The following FSTL5 variants were observed in gnomAD, a reference collection of about 807,000 sequenced individuals.
FSTL5 encodes the protein follistatin-related protein 5.
FSTL5 carries 62 observed loss-of-function variants against 89.1 expected under a neutral mutation model. The observed-to-expected ratio is 0.70, with a 90% CI of 0.57 to 0.86. FSTL5 has a LOEUF of 0.86. FSTL5 is among the 40% of genes least tolerant of loss of function. The pLI, the probability that FSTL5 is intolerant of heterozygous loss-of-function variation, is 0.00. For synonymous variants in FSTL5, 383 were observed against 346.2 expected (o/e 1.11, Z -1.18); for missense variants, 1,057 against 1,001.6 (o/e 1.06, Z -0.75).
chr4:161,763,998 A>G (rs1740901357), intron 5 of FSTL5, among the ~76,000 whole-genome samples: 1 of 149,786 alleles, frequency 6.7e-6, no homozygotes, highest in Admixed American at 6.7e-5. Flanking sequence ...CCTTTTCCTT[A>G]TTTTCAACCA....
At chr4:162,132,291 C>T (rs1183379697) in intron 1 of FSTL5, among the ~76,000 whole-genome samples, 8 of 152,142 alleles carry the variant, frequency 5.3e-5, no homozygotes, top group African/African-American at 9.7e-5. Context: ...AGTGCTCCAT[C>T]AGAGGCAAAA....
intron 3 of FSTL5, among the ~76,000 whole-genome samples, chr4:162,030,810 C>G (rs1737492531): frequency 6.6e-6 from 1 of 152,088 alleles, no homozygotes; most frequent in African/African-American, 2.4e-5. Context: ...CTACTGTTTT[C>G]TCTGAGAACT....
rs541275386 is a variant in FSTL5 at position 161,660,092 on chromosome 4, C to T, written c.728-3598G>A. 1.7e-3 allele frequency among the ~76,000 whole-genome samples: 259 copies of T among 152,272 alleles called. 2 individuals are homozygous for T. The highest frequency in any genetic ancestry group is 5.8e-3 in the African/African-American group (240 of 41,562). The stretch of plus-strand genomic sequence containing the variant: ...CTTTCATCTGTAAACTTTGCCTCCT[C>T]TTAGAAGCACTCTCAAGTATTTAAC... On this transcript the variant is annotated intron_variant, in intron 6 of 15. Coordinates refer to ENST00000306100, the MANE Select transcript of FSTL5 (RefSeq NM_020116.5).
intron 8 of FSTL5, among the ~76,000 whole-genome samples, chr4:161,569,794 CACACA>C (rs1560958253): frequency 0.021 from 2,812 of 134,830 alleles, 91 homozygotes; most frequent in African/African-American, 0.067. Context: ...CACACACACA[CACACA>C]CCCCACATTG....
rs1265814879 is a variant in FSTL5 at position 161,823,984 on chromosome 4, T to A, written c.410-47910A>T. Among the ~76,000 whole-genome samples, 2 of 152,378 alleles carry A rather than the reference T, an allele frequency of 1.3e-5. 1 individual carries two copies. The highest frequency in any genetic ancestry group is 3.8e-4 in the East Asian group (2 of 5,196). On this transcript the variant is annotated intron_variant, in intron 4 of 15. Transcript: ENST00000306100. ...GGTTGTCTGTTTACTCTGCTAATTG[T>A]TTCTTTTGCTGGGCAGAAGGTTTTT...
At position 161,820,526 on chromosome 4, in the gene FSTL5, T is replaced by C. The variant is rs543722215; in HGVS notation, c.410-44452A>G. On this transcript the variant is annotated intron_variant, in intron 4 of 15. Coordinates refer to ENST00000306100, the MANE Select transcript of FSTL5 (RefSeq NM_020116.5). ...ATTTCTTTTTCTTCCTAGATCAATG[T>C]GAATGTGTATTTGTCAATGTTTCTT... 2.0e-5 allele frequency among the ~76,000 whole-genome samples: 3 copies of C among 152,300 alleles called. No homozygotes were observed. The South Asian group carries it at 6.2e-4, about 32-fold the overall frequency.
chr4:161,655,216 A>C (rs1275413742), intron 7 of FSTL5, among the ~76,000 whole-genome samples: 1 of 152,124 alleles, frequency 6.6e-6, no homozygotes, highest in Non-Finnish European at 1.5e-5. Context: ...TCTGACAGTC[A>C]GATCTTTGAC....
Position 161,676,189 on chromosome 4 carries a change from A to G in FSTL5, c.728-19695T>C, listed in dbSNP as rs184888099. On this transcript the variant is annotated intron_variant, in intron 6 of 15. Transcript: ENST00000306100. ...AAGTTATGAATATGATTAAACTACC[A>G]AACATTACCAATCCAAGTAATTCCA... Among the ~76,000 whole-genome samples, 907 of 152,286 alleles carry G rather than the reference A, an allele frequency of 6.0e-3. 9 individuals are homozygous for G. Among genetic ancestry groups the G allele is most frequent in the South Asian group, 0.046 (220 of 4,830 alleles).
chr4:161,594,494 AC>A (rs1247162518), intron 7 of FSTL5, among the ~76,000 whole-genome samples: 2 of 152,096 alleles, frequency 1.3e-5, no homozygotes, highest in Admixed American at 1.3e-4. Context: ...CAAGACTGCA[AC>A]TTTTAAAGTG....
At chr4:161,839,528 C>A (rs1731147219) in intron 4 of FSTL5, among the ~76,000 whole-genome samples, 3 of 152,138 alleles carry the variant, frequency 2.0e-5, no homozygotes, top group Admixed American at 2.0e-4. Context: ...TACGGAAGCA[C>A]TCAAAACATA....
chr4:161,783,295 T>C (rs1037269782), intron 4 of FSTL5, among the ~76,000 whole-genome samples: 1 of 152,174 alleles, frequency 6.6e-6, no homozygotes, highest in Admixed American at 6.5e-5. Flanking sequence ...ACACTTCATA[T>C]GAAAAGACGT....
intron 4 of FSTL5, among the ~76,000 whole-genome samples, chr4:161,784,397 AC>A (rs1206272028): frequency 6.6e-6 from 1 of 151,926 alleles, no homozygotes; most frequent in Admixed American, 6.5e-5. Flanking sequence ...TATAAATTTG[AC>A]CTTTTTTTAA....
chr4:161,774,017 T>C (rs1481446216), intron 5 of FSTL5, among the ~76,000 whole-genome samples: 1 of 152,014 alleles, frequency 6.6e-6, no homozygotes, highest in East Asian at 1.9e-4. Context: ...ATCCCAGCAC[T>C]TTGGGAGGAC....
chr4:161,663,381 G>A (rs1736782185), intron 6 of FSTL5, among the ~76,000 whole-genome samples: 1 of 152,132 alleles, frequency 6.6e-6, no homozygotes, highest in Admixed American at 6.5e-5. Context: ...TGCAGGTATT[G>A]GGTAAATGGA....
chr4:161,430,630 T>C (rs940379448), intron 15 of FSTL5, among the ~76,000 whole-genome samples: 9 of 152,008 alleles, frequency 5.9e-5, no homozygotes, highest in Non-Finnish European at 1.0e-4. Context: ...GTCCCAGCTA[T>C]TTGGGAAGCT....
rs114899010 is a variant in FSTL5 at position 162,009,114 on chromosome 4, T to C, written c.160+24511A>G. Among the ~76,000 whole-genome samples, 1,408 of 152,190 alleles carry C rather than the reference T, an allele frequency of 9.3e-3. 27 individuals are homozygous for C. Among genetic ancestry groups the C allele is most frequent in the African/African-American group, 0.032 (1,317 of 41,556 alleles). ...GTGTTCTCTTTTAGCAAAGCCTTCT[T>C]AGAAATGCCATTTTTTCAACAATAA... On this transcript the variant is annotated intron_variant, in intron 3 of 15. Coordinates refer to ENST00000306100, the MANE Select transcript of FSTL5 (RefSeq NM_020116.5).
intron 4 of FSTL5, among the ~76,000 whole-genome samples, chr4:161,824,367 C>T (rs1226341535): frequency 6.6e-6 from 1 of 152,114 alleles, no homozygotes; most frequent in Non-Finnish European, 1.5e-5. Flanking sequence ...TTCCATTGGC[C>T]TATGTGCCTA....
chr4:161,767,363 A>G (rs1212881118), intron 5 of FSTL5, among the ~76,000 whole-genome samples: 2 of 152,214 alleles, frequency 1.3e-5, no homozygotes, highest in Admixed American at 1.3e-4. Context: ...GCCTTGGTCA[A>G]GTTTGTGACA....
rs901294554 is a variant in FSTL5, at chr4:161,516,296, C to T, written c.1313-5872G>A. On this transcript the variant is annotated intron_variant, in intron 10 of 15. Coordinates refer to ENST00000306100, the MANE Select transcript of FSTL5 (RefSeq NM_020116.5). Reference sequence around the variant, plus strand: ...TCTATATTGGAATGGCTTAGTTTCACCACATTAATTTATCCTTCAGACAAT... The same window carrying T: ...TCTATATTGGAATGGCTTAGTTTCATCACATTAATTTATCCTTCAGACAAT... Among the ~76,000 whole-genome samples, 159 of 148,780 alleles carry T rather than the reference C, an allele frequency of 1.1e-3. 2 individuals carry two copies. Among genetic ancestry groups the T allele is most frequent in the Non-Finnish European group, 1.7e-3 (115 of 67,368 alleles).
Sources: allele counts gnomAD v4.1 joint callset (sites outside exome capture counted in the v4.1 genomes callset), GRCh38; gene constraint gnomAD v4.1.1; transcripts MANE v1.5; gene names NCBI Gene and HGNC (gene_info 2026-07-23, HGNC 2026-07-21).